ZNF236: variants seen among roughly 807,000 people sequenced by gnomAD.
ZNF236 encodes zinc finger protein 236, also known as regulated by glucose.
A neutral mutation model predicts 191.2 loss-of-function variants in ZNF236; 50 were observed. The ratio of observed to expected loss-of-function variants is 0.26; its 90% confidence interval spans 0.21 to 0.33. ZNF236 has a LOEUF of 0.33. Among genes scored for constraint, ZNF236 ranks in the 10% least tolerant of loss-of-function variants. ZNF236 has a pLI of 1.00. For missense variants in ZNF236, 1,754 were observed against 2,374.5 expected (o/e 0.74, Z 5.43); for synonymous variants, 907 against 928.8 (o/e 0.98, Z 0.43).
intron 8 of ZNF236, 93 bp from the exon 9 acceptor site, chr18:76,881,191 A>G: frequency 5.1e-6 from 5 of 986,572 alleles, no homozygotes; most frequent in Non-Finnish European, 7.5e-6. Context: ...TTGGAGTGGA[A>G]TTAGAATTCT....
intron 3 of ZNF236, among the ~76,000 whole-genome samples, chr18:76,865,180 T>C (rs1453012566): frequency 6.6e-6 from 1 of 151,944 alleles, no homozygotes; most frequent in African/African-American, 2.4e-5. Flanking sequence ...CTACTAAAAA[T>C]ACAAAAATTA....
At chr18:76,896,022 C>A (rs555009908) in intron 10 of ZNF236, among the ~76,000 whole-genome samples, 1 of 152,234 alleles carries the variant, frequency 6.6e-6, no homozygotes, top group African/African-American at 2.4e-5. Context: ...CAGTACCAAA[C>A]ACAGGTACTG....
At chr18:76,825,181 G>T (rs1974981489) in intron 1 of ZNF236, among the ~76,000 whole-genome samples, 1 of 152,140 alleles carries the variant, frequency 6.6e-6, no homozygotes, top group Non-Finnish European at 1.5e-5. Flanking sequence ...CTAGTCTTGT[G>T]GCTCCAAGTG....
intron 1 of ZNF236, among the ~76,000 whole-genome samples, chr18:76,828,753 G>A (rs1194246594): frequency 3.3e-5 from 5 of 152,224 alleles, no homozygotes; most frequent in African/African-American, 7.2e-5. Context: ...TGCAACCTCC[G>A]CCTTCTGGGT....
At position 76,956,194 on chromosome 18, in the gene ZNF236, G is replaced by A. The variant is rs368138064; in HGVS notation, c.5112+12G>A. 5.8e-6 allele frequency: 9 copies of A among 1,543,544 alleles called. No homozygotes were observed. Among genetic ancestry groups the A allele is most frequent in the South Asian group, 1.2e-5 (1 of 84,068 alleles). The stretch of plus-strand genomic sequence containing the variant: ...CCACGCACCTCAAGGTAGGCCCACT[G>A]TGCCAGGGCACAGCTGTGTGCCCCC... On this transcript the variant is annotated intron_variant, in intron 28 of 30. Transcript: ENST00000320610.
At chr18:76,962,482 A>G (rs1477674034) in intron 30 of ZNF236, among the ~76,000 whole-genome samples, 1 of 152,208 alleles carries the variant, frequency 6.6e-6, no homozygotes, top group Non-Finnish European at 1.5e-5. Flanking sequence ...GTTTGAAATC[A>G]GGTAATGTGA....
At chr18:76,935,608 A>T (rs578171604) in intron 25 of ZNF236, among the ~76,000 whole-genome samples, 22 of 152,198 alleles carry the variant, frequency 1.4e-4, no homozygotes, top group Non-Finnish European at 2.4e-4. Flanking sequence ...CCTGGGCGAG[A>T]TTCACAGGCA....
Position 76,956,162 on chromosome 18 carries a change from A to G in ZNF236, c.5092A>G (p.Lys1698Glu). The stretch of plus-strand genomic sequence containing the variant: ...CTGCCCCGTGTGCAGGAAGGCCTTC[A>G]AGCGCGCCACGCACCTCAAGGTAGG... ...HGCPVCRKAF[K>E]RATHLKEHMQ... The change falls in exon 28 of 31, where the codon AAG becomes GAG. Residue 1698 changes from lysine to glutamate, a missense_variant. Around this residue, in one of 5 missense-constraint regions of ZNF236, gnomAD observed 606 missense variants for 761.5 expected, o/e 0.80. Transcript: ENST00000320610. The G allele has an allele frequency of 6.4e-7, 1 of 1,554,274 alleles. No individual in the cohort carries two copies. The highest frequency in any genetic ancestry group is 8.7e-7 in the Non-Finnish European group (1 of 1,151,016).
At chr18:76,848,671 G>T (rs766067937) in intron 1 of ZNF236, among the ~76,000 whole-genome samples, 25 of 152,112 alleles carry the variant, frequency 1.6e-4, no homozygotes, top group Non-Finnish European at 2.9e-4. Context: ...GAGAGCAAAG[G>T]TTTTATTTTT....
intron 9 of ZNF236, among the ~76,000 whole-genome samples, chr18:76,892,147 C>T (rs200870639): frequency 0.12 from 6,219 of 52,640 alleles, no homozygotes; most frequent in Middle Eastern, 0.15. Context: ...TTTTTTTTTT[C>T]TTTTTGAAAT....
intron 4 of ZNF236, 76 bp from the exon 5 acceptor site, chr18:76,871,625 G>C: frequency 6.3e-7 from 1 of 1,579,624 alleles, no homozygotes; most frequent in South Asian, 1.1e-5. Flanking sequence ...CAAATTTTCT[G>C]GTAGGATTTT....
At position 76,947,516 on chromosome 18, in the gene ZNF236, G is replaced by T; in HGVS notation, c.4783-5G>T. 1 of 1,610,000 alleles carries T rather than the reference G, an allele frequency of 6.2e-7. No homozygotes were observed. Among genetic ancestry groups the T allele is most frequent in the East Asian group, 2.2e-5 (1 of 44,798 alleles). On this transcript the variant is annotated splice_polypyrimidine_tract_variant and splice_region_variant and intron_variant, in intron 26 of 30. Coordinates refer to ENST00000320610, the MANE Select transcript of ZNF236 (RefSeq NM_001306089.2). Reference sequence around the variant, plus strand: ...ACTTCTGAAATAGTACTAATCTTTTGCCAGGGTCAGCAGTTCCCAGCGCTC... The same window carrying T: ...ACTTCTGAAATAGTACTAATCTTTTTCCAGGGTCAGCAGTTCCCAGCGCTC...
At chr18:76,865,108 G>T (rs972934123) in intron 3 of ZNF236, among the ~76,000 whole-genome samples, 2 of 152,262 alleles carry the variant, frequency 1.3e-5, no homozygotes, top group Non-Finnish European at 1.5e-5. Context: ...AGGCCGAGGC[G>T]GGCAGATCAC....
chr18:76,864,163 C>T (rs1976329540), intron 3 of ZNF236, among the ~76,000 whole-genome samples: 1 of 151,802 alleles, frequency 6.6e-6, no homozygotes, highest in Non-Finnish European at 1.5e-5. Flanking sequence ...TGTCAGCCTC[C>T]ATAATCATGA....
chr18:76,878,634 C>CAT (rs1976783842), intron 7 of ZNF236, among the ~76,000 whole-genome samples: 1 of 152,012 alleles, frequency 6.6e-6, no homozygotes, highest in South Asian at 2.1e-4. Context: ...CACACACACA[C>CAT]ACACAGGGAC....
At chr18:76,911,895 C>T (rs919077357) in intron 16 of ZNF236, among the ~76,000 whole-genome samples, 1 of 152,018 alleles carries the variant, frequency 6.6e-6, no homozygotes, top group Non-Finnish European at 1.5e-5. Flanking sequence ...CAAGAGGAGA[C>T]ATAATATTAT....
intron 19 of ZNF236, among the ~76,000 whole-genome samples, chr18:76,918,661 A>G (rs951464963): frequency 7.2e-5 from 11 of 152,022 alleles, no homozygotes; most frequent in Non-Finnish European, 1.6e-4. Context: ...TTCCCTGCCA[A>G]GCCCCACCTT....
At chr18:76,864,823 A>G (rs1361494340) in intron 3 of ZNF236, among the ~76,000 whole-genome samples, 2 of 151,940 alleles carry the variant, frequency 1.3e-5, no homozygotes, top group Non-Finnish European at 2.9e-5. Flanking sequence ...TAAGTTCCGT[A>G]TGTATAATCC....
intron 18 of ZNF236, 132 bp from the exon 19 acceptor site, chr18:76,915,514 AC>A: frequency 1.3e-6 from 1 of 799,060 alleles, no homozygotes; most frequent in Non-Finnish European, 2.0e-6. Flanking sequence ...TTTTTTTTTA[AC>A]CAAAGTCTGT....
Sources: allele counts gnomAD v4.1 joint callset (sites outside exome capture counted in the v4.1 genomes callset), GRCh38; gene constraint gnomAD v4.1.1; regional missense constraint gnomAD v4.1.1; transcripts MANE v1.5; gene names NCBI Gene and HGNC (gene_info 2026-07-23, HGNC 2026-07-21).